PRDM1: variants seen among roughly 807,000 people sequenced by gnomAD.
PRDM1 encodes PR domain zinc finger protein 1.
PRDM1 carries 13 observed loss-of-function variants against 62.8 expected under a neutral mutation model. The ratio of observed to expected loss-of-function variants is 0.21; its 90% CI spans 0.13 to 0.33. The LOEUF is 0.33. PRDM1 is among the 10% of genes least tolerant of loss of function. PRDM1 has a pLI of 1.00. For missense variants in PRDM1, 895 were observed against 1,058.8 expected, an observed-to-expected ratio of 0.85 and a Z score of 2.15; for synonymous variants, 396 against 417.6, an observed-to-expected ratio of 0.95 and a Z score of 0.63.
intron 1 of PRDM1, among the ~76,000 whole-genome samples, chr6:106,086,906 G>A (rs1244377112): frequency 6.6e-6 from 1 of 151,878 alleles, no homozygotes; most frequent in Non-Finnish European, 1.5e-5. Flanking sequence ...TTGGCGTCAT[G>A]ACTCTACATG....
At chr6:106,072,242 G>GA in intron 1 of PRDM1, 1 of 152,302 alleles carries the variant, frequency 6.6e-6, no homozygotes, top group Admixed American at 6.5e-5. Flanking sequence ...GAGAAGTAAG[G>GA]AAAAAATTCA....
rs892606579 is a variant in PRDM1, at chr6:106,109,260, C to T, written c.*1774C>T. The T allele has an allele frequency of 4.3e-6, 1 of 231,814 alleles. No individual in the cohort carries two copies. The highest frequency in any genetic ancestry group is 6.1e-5 in the East Asian group (1 of 16,448). The allele number at this position is 231,814 out of a possible 1,614,324, so 14.4% of individuals were successfully genotyped here. A position where few individuals can be genotyped will look rare whatever the true frequency, so the allele number is the denominator to read the frequency against. On this transcript the variant is annotated 3_prime_UTR_variant, in exon 7 of 7. Transcript: ENST00000369096. ...AACAACCAGGGAGGAAGAGATACAT[C>T]ATTTTTTAGTATTAAGGACCATCTA... is the stretch of plus-strand genomic sequence containing the variant.
chr6:106,086,563 A>G lies in PRDM1; in HGVS notation c.10A>G (p.Ile4Val). The G allele has an allele frequency of 6.4e-7, 1 of 1,551,308 alleles. No homozygotes were observed. The highest frequency in any genetic ancestry group is 8.7e-7 in the Non-Finnish European group (1 of 1,146,702). The part of the protein sequence containing the change: MLD[I>V]CLEKRVGTTL... ...ACGAGACTTTTCTCAGATGTTGGAT[A>G]TTTGCTTGGAAAAACGTGTGGGTAC... The change falls in exon 1 of 7, where the codon ATT (isoleucine) becomes GTT (valine). Residue 4 changes from isoleucine to valine, a missense_variant. Coordinates refer to ENST00000369096, the MANE Select transcript of PRDM1 (RefSeq NM_001198.4).
Position 106,105,314 on chromosome 6 carries a change from G to T in PRDM1, c.1154G>T (p.Gly385Val). 6.2e-7 allele frequency: 1 copy of T among 1,613,158 alleles called. No homozygotes were observed. Among genetic ancestry groups the T allele is most frequent in the Non-Finnish European group, 8.5e-7 (1 of 1,179,406 alleles). ...AYLNASYGTE[G>V]LGSYPGYAPL... ...TTGAACGCGTCCTACGGCACGGAAG[G>T]TTTGGGCTCCTACCCTGGCTACGCA... is the stretch of plus-strand genomic sequence containing the variant. Residue 385 changes from glycine (G) to valine (V), a missense_variant, in exon 5 of 7, where the codon GGT (glycine) becomes GTT (valine). Physicochemically the swap from Gly to Val is moderately radical, Grantham distance 109 (BLOSUM62 -3). This residue lies in a region of PRDM1 where 444 missense variants were observed against 422.7 expected (regional missense o/e 1.05). Transcript: ENST00000369096.
At chr6:106,003,351 A>G (rs186253676) in intron 1 of PRDM1, among the ~76,000 whole-genome samples, 1 of 152,248 alleles carries the variant, frequency 6.6e-6, no homozygotes, top group East Asian at 1.9e-4. Flanking sequence ...AATTTAGTTA[A>G]CCCTCAGGGT....
chr6:106,088,520 T>G (rs1413256759), intron 2 of PRDM1, 71 bp downstream of exon 2: 3 of 1,559,646 alleles, frequency 1.9e-6, no homozygotes, highest in African/African-American at 2.7e-5. Context: ...CCTTGAGGCC[T>G]TGTATATCTC....
intron 1 of PRDM1, among the ~76,000 whole-genome samples, chr6:106,036,755 T>C (rs1447160687): frequency 6.6e-6 from 1 of 151,044 alleles, no homozygotes; most frequent in East Asian, 2.0e-4. Flanking sequence ...AGGTCAGGAG[T>C]TTGAGACCAG....
At chr6:106,080,388 T>C (rs1437803101) in intron 1 of PRDM1, among the ~76,000 whole-genome samples, 1 of 152,190 alleles carries the variant, frequency 6.6e-6, no homozygotes, top group Non-Finnish European at 1.5e-5. Flanking sequence ...TGATTTGGAC[T>C]CAGCCTTCTG....
intron 4 of PRDM1, among the ~76,000 whole-genome samples, chr6:106,103,449 C>T (rs1774335116): frequency 1.3e-5 from 2 of 152,166 alleles, no homozygotes; most frequent in African/African-American, 4.8e-5. Flanking sequence ...AAACCTGCTG[C>T]CTCTGAAGGC....
intron 1 of PRDM1, 113 bp downstream of exon 1, chr6:106,086,708 C>T: frequency 1.1e-6 from 1 of 950,754 alleles, no homozygotes; most frequent in Non-Finnish European, 1.6e-6. Context: ...GCAGTAGAAA[C>T]ATGCTTCTGC....
chr6:106,103,661 C>T (rs770777136), intron 4 of PRDM1, among the ~76,000 whole-genome samples: 5 of 152,168 alleles, frequency 3.3e-5, no homozygotes, highest in Admixed American at 6.5e-5. Context: ...TATTGTGTAG[C>T]GAGGAGACAG....
At chr6:106,089,973 T>G (rs887400813) in intron 2 of PRDM1, among the ~76,000 whole-genome samples, 2 of 152,256 alleles carry the variant, frequency 1.3e-5, no homozygotes, top group African/African-American at 4.8e-5. Context: ...GTTCTTATCG[T>G]CAGTTCAGCT....
chr6:106,096,578 G>C (rs1397834930), intron 3 of PRDM1, among the ~76,000 whole-genome samples: 2 of 152,194 alleles, frequency 1.3e-5, no homozygotes, highest in Non-Finnish European at 2.9e-5. Flanking sequence ...GATTCCATTT[G>C]ACAATAGGTT....
chr6:106,102,490 T>C (rs1192918004), intron 4 of PRDM1, among the ~76,000 whole-genome samples: 2 of 152,228 alleles, frequency 1.3e-5, no homozygotes, highest in Non-Finnish European at 2.9e-5. Context: ...ATAGCAAACA[T>C]TTATTGTGAG....
chr6:106,007,366 G>T (rs1772495932), intron 1 of PRDM1, among the ~76,000 whole-genome samples: 1 of 151,744 alleles, frequency 6.6e-6, no homozygotes, highest in African/African-American at 2.4e-5. Flanking sequence ...GGAGGTGGAG[G>T]TTGCAGTGAG....
rs9372115 is a variant in PRDM1, at chr6:106,001,783, A to G, written c.-67+8144A>G. Among the ~76,000 whole-genome samples the G allele has an allele frequency of 1.3e-3, 199 of 152,110 alleles. 3 individuals carry two copies. In the East Asian group the frequency reaches 0.034, roughly 26 times the overall value. On this transcript the variant is annotated intron_variant, in intron 1 of 6. Coordinates refer to the PRDM1 transcript ENST00000652320. ...TGAGTTCCCAATTGTGTTTTTCAAA[A>G]TTGTCTTGGTTATTCTTGGTGTTTT...
At chr6:106,034,738 T>C (rs145997965) in intron 1 of PRDM1, among the ~76,000 whole-genome samples, 1,512 of 150,306 alleles carry the variant, frequency 0.01, 15 homozygotes, top group Non-Finnish European at 0.016. Flanking sequence ...TTCAAGTGAT[T>C]CTCCTGTCTC....
Position 106,107,605 on chromosome 6 carries a change from TC to T in PRDM1, c.*123del. 1 of 862,512 alleles carries T rather than the reference TC, an allele frequency of 1.2e-6. No homozygotes were observed. Among genetic ancestry groups the T allele is most frequent in the Non-Finnish European group, 1.7e-6 (1 of 595,644 alleles). The allele number at this position is 862,512 out of a possible 1,614,324, so 53.4% of individuals were successfully genotyped here. A position where few individuals can be genotyped will look rare whatever the true frequency, so the allele number is the denominator to read the frequency against. On this transcript the variant is annotated 3_prime_UTR_variant, in exon 7 of 7. Transcript: ENST00000369096. ...AAAGCTCTCTCGACAGCAAATGGTT[TC>T]CCCTCACCTCTGGAATTAAAGAAGG...
In PRDM1 at chr6:106,108,886, G is replaced by A. The variant is rs965950975; in HGVS notation, c.*1400G>A. The A allele has an allele frequency of 1.7e-5, 4 of 231,530 alleles. No homozygotes were observed. Among genetic ancestry groups the A allele is most frequent in the South Asian group, 1.8e-4 (1 of 5,490 alleles). The allele number at this position is 231,530 out of a possible 1,614,324, so 14.3% of individuals were successfully genotyped here. ...GATTTGCTTCTCTAGAGGAGAAACC[G>A]AGTAAATGTGCTCCAGCAAGATAGA... On this transcript the variant is annotated 3_prime_UTR_variant, in exon 7 of 7. Transcript: ENST00000369096.
Sources: allele counts gnomAD v4.1 joint callset (sites outside exome capture counted in the v4.1 genomes callset), GRCh38; gene constraint gnomAD v4.1.1; regional missense constraint gnomAD v4.1.1; transcripts MANE v1.5; gene names NCBI Gene and HGNC (gene_info 2026-07-23, HGNC 2026-07-21).